The following LRMDA variants were observed in gnomAD, a reference collection of about 807,000 sequenced individuals.
LRMDA encodes leucine-rich melanocyte differentiation-associated protein.
Under a neutral mutation model 29.8 loss-of-function variants are expected in LRMDA, and 18 were observed. The observed-to-expected ratio is 0.60, with a 90% CI of 0.42 to 0.90. The LOEUF (loss-of-function observed/expected upper bound fraction) is 0.90, where lower values mean the gene tolerates loss of function less well. Ranked by LOEUF, LRMDA falls within the 40% of genes least tolerant of loss-of-function variation. The pLI is 0.00. For synonymous variants in LRMDA, 125 were observed against 109.4 expected (o/e 1.14, Z -0.89); for missense variants, 273 against 273.9 (o/e 1.00, Z 0.02).
At chr10:75,456,667 G>A (rs1029609361) in intron 2 of LRMDA, among the ~76,000 whole-genome samples, 3 of 152,174 alleles carry the variant, frequency 2.0e-5, no homozygotes, top group African/African-American at 7.2e-5. Context: ...TGCTAAAATG[G>A]ATTTTATTTT....
intron 2 of LRMDA, among the ~76,000 whole-genome samples, chr10:75,971,593 A>G (rs1402434426): frequency 6.6e-6 from 1 of 152,210 alleles, no homozygotes; most frequent in Non-Finnish European, 1.5e-5. Context: ...GTTCTCCTGG[A>G]GCATTTTACA....
At chr10:76,457,669 A>G (rs1271509872) in intron 6 of LRMDA, among the ~76,000 whole-genome samples, 1 of 152,196 alleles carries the variant, frequency 6.6e-6, no homozygotes, top group East Asian at 1.9e-4. Flanking sequence ...GCTATGGGCC[A>G]TAAGTTCGAC....
At chr10:75,829,400 G>T (rs2132289397) in intron 2 of LRMDA, among the ~76,000 whole-genome samples, 1 of 152,214 alleles carries the variant, frequency 6.6e-6, no homozygotes, top group Admixed American at 6.5e-5. Context: ...GGCTGTCTGT[G>T]GCCCTGCAGC....
At chr10:75,540,485 C>T (rs933945578) in intron 2 of LRMDA, among the ~76,000 whole-genome samples, 9 of 152,284 alleles carry the variant, frequency 5.9e-5, no homozygotes, top group African/African-American at 2.2e-4. Context: ...TACTGTCTTC[C>T]CCTATCTAGC....
intron 2 of LRMDA, among the ~76,000 whole-genome samples, chr10:75,927,383 G>A (rs1047524556): frequency 1.3e-5 from 2 of 152,036 alleles, no homozygotes; most frequent in Admixed American, 6.6e-5. Context: ...TCACTTGTTC[G>A]TTCCATCATG....
At chr10:75,466,876 G>A (rs1844657435) in intron 2 of LRMDA, among the ~76,000 whole-genome samples, 1 of 151,328 alleles carries the variant, frequency 6.6e-6, no homozygotes, top group Non-Finnish European at 1.5e-5. Context: ...AAATCTTTCT[G>A]AAAAGGAAAG....
chr10:76,071,183 C>T (rs1432840421), intron 5 of LRMDA, among the ~76,000 whole-genome samples: 9 of 152,174 alleles, frequency 5.9e-5, no homozygotes, highest in Admixed American at 5.9e-4. Context: ...TCAGGCCCCT[C>T]TGCCCCCAGA....
At chr10:76,135,843 C>A (rs938851973) in intron 5 of LRMDA, among the ~76,000 whole-genome samples, 1 of 151,152 alleles carries the variant, frequency 6.6e-6, no homozygotes, top group Non-Finnish European at 1.5e-5. Flanking sequence ...TTAAATTGAT[C>A]ATCTGCAAAG....
rs116328560 is a variant in LRMDA, at chr10:76,208,867, C to T, written c.517-115534C>T. Among the ~76,000 whole-genome samples, 467 of 152,162 alleles carry T rather than the reference C, an allele frequency of 3.1e-3. 4 individuals are homozygous for T. The highest frequency in any genetic ancestry group is 0.011 in the African/African-American group (445 of 41,514). On this transcript the variant is annotated intron_variant, in intron 5 of 6. Coordinates refer to ENST00000611255, the MANE Select transcript of LRMDA (RefSeq NM_001305581.2). ...CCTCAGCTTTGCTTTTAAAACTTGC[C>T]TTTCCGCTGGGTGCGGTGGCTCACA... is the stretch of plus-strand genomic sequence containing the variant.
chr10:75,535,572 T>C (rs1589172826), intron 2 of LRMDA, among the ~76,000 whole-genome samples: 1 of 152,244 alleles, frequency 6.6e-6, no homozygotes, highest in African/African-American at 2.4e-5. Context: ...GGGCAGACAA[T>C]GAGCCAACTA....
intron 2 of LRMDA, among the ~76,000 whole-genome samples, chr10:75,469,779 A>T (rs1047075357): frequency 6.6e-6 from 1 of 152,136 alleles, no homozygotes; most frequent in African/African-American, 2.4e-5. Context: ...CTGGTATGGG[A>T]TGAGGGATCC....
At chr10:76,464,813 T>A (rs1842548528) in intron 6 of LRMDA, 1 of 152,194 alleles carries the variant, frequency 6.6e-6, no homozygotes, top group Non-Finnish European at 1.5e-5. Flanking sequence ...ACCGTGTAGG[T>A]AATGGGTGTG....
At chr10:75,557,774 C>G (rs893930750) in intron 2 of LRMDA, among the ~76,000 whole-genome samples, 2 of 152,172 alleles carry the variant, frequency 1.3e-5, no homozygotes, top group Non-Finnish European at 2.9e-5. Context: ...CCTCTGTTTT[C>G]GCTAAGCTCT....
intron 2 of LRMDA, among the ~76,000 whole-genome samples, chr10:75,554,484 G>C (rs746270055): frequency 1.3e-4 from 20 of 152,122 alleles, no homozygotes; most frequent in African/African-American, 4.8e-4. Context: ...TCAATTAACC[G>C]ATCAGTTATT....
At chr10:75,820,017 ATAATATTAGACC>A in intron 2 of LRMDA, among the ~76,000 whole-genome samples, 1 of 152,262 alleles carries the variant, frequency 6.6e-6, no homozygotes, top group Non-Finnish European at 1.5e-5. Flanking sequence ...AGAATCATAA[ATAATATTAGACC>A]TACAAAAAGA....
intron 2 of LRMDA, chr10:75,883,325 GTCCC>G (rs1360179218): frequency 6.6e-6 from 1 of 152,260 alleles, no homozygotes; most frequent in Non-Finnish European, 1.5e-5. Flanking sequence ...CTTGTGAGCA[GTCCC>G]TGGTTACCCT....
chr10:76,159,154 GA>G (rs1275428750), intron 5 of LRMDA, among the ~76,000 whole-genome samples: 1 of 152,112 alleles, frequency 6.6e-6, no homozygotes, highest in African/African-American at 2.4e-5. Context: ...ACCTTAAAGT[GA>G]TTATGCTGAA....
At chr10:76,432,675 C>T (rs1249636031) in intron 6 of LRMDA, among the ~76,000 whole-genome samples, 1 of 152,202 alleles carries the variant, frequency 6.6e-6, no homozygotes, top group Non-Finnish European at 1.5e-5. Context: ...GTTCAAGCAT[C>T]AGTGATCTAG....
At chr10:76,404,221 C>T (rs1841879193) in intron 6 of LRMDA, among the ~76,000 whole-genome samples, 1 of 152,128 alleles carries the variant, frequency 6.6e-6, no homozygotes, top group African/African-American at 2.4e-5. Flanking sequence ...GGCGGACACT[C>T]CCCAAATTAC....
Sources: allele counts gnomAD v4.1 joint callset (sites outside exome capture counted in the v4.1 genomes callset), GRCh38; gene constraint gnomAD v4.1.1; transcripts MANE v1.5; gene names NCBI Gene and HGNC (gene_info 2026-07-23, HGNC 2026-07-21).